LAMP3: variants seen among roughly 807,000 people sequenced by gnomAD.
LAMP3 encodes the protein lysosome-associated membrane glycoprotein 3.
A neutral mutation model predicts 34.8 loss-of-function variants in LAMP3; 26 were observed. The observed-to-expected ratio is 0.75, with a 90% CI of 0.55 to 1.04. The LOEUF is 1.04. Ranked by LOEUF, LAMP3 falls within the 50% of genes least tolerant of loss-of-function variation. LAMP3 has a pLI of 0.00. For missense variants in LAMP3, 495 were observed against 524.0 expected, an observed-to-expected ratio of 0.94 and a Z score of 0.54; for synonymous variants, 180 against 201.9, an observed-to-expected ratio of 0.89 and a Z score of 0.92.
chr3:183,130,218 G>C (rs1379448772), intron 5 of LAMP3, among the ~76,000 whole-genome samples: 3 of 136,790 alleles, frequency 2.2e-5, no homozygotes, highest in Non-Finnish European at 4.6e-5. Context: ...GAGTACAGTG[G>C]TGCCATCTTG....
chr3:183,162,777 A>C, upstream of LAMP3: 1 of 918,108 alleles, frequency 1.1e-6, no homozygotes, highest in Non-Finnish European at 1.6e-6. Context: ...GCAGCCGAAA[A>C]GCCCGCCCAG....
At chr3:183,134,739 C>T (rs1251718543) in intron 5 of LAMP3, among the ~76,000 whole-genome samples, 1 of 152,234 alleles carries the variant, frequency 6.6e-6, no homozygotes, top group East Asian at 1.9e-4. Context: ...TTTTCTGCTA[C>T]ACACATCTGC....
chr3:183,152,232 C>T (rs1030031695), intron 3 of LAMP3, 143 bp downstream of exon 3: 3 of 902,092 alleles, frequency 3.3e-6, no homozygotes, highest in African/African-American at 3.4e-5. Context: ...GATGTTGACA[C>T]TTCCTCCTCT....
At chr3:183,160,301 T>C (rs1720940101) in intron 1 of LAMP3, among the ~76,000 whole-genome samples, 1 of 152,238 alleles carries the variant, frequency 6.6e-6, no homozygotes, top group Non-Finnish European at 1.5e-5. Context: ...TGATGATTTT[T>C]GCTCATTTCC....
chr3:183,140,205 G>A (rs181066679), intron 4 of LAMP3, among the ~76,000 whole-genome samples: 242 of 152,160 alleles, frequency 1.6e-3, no homozygotes, highest in Non-Finnish European at 3.0e-3. Flanking sequence ...TCAGGAGTTT[G>A]AGACCAGTCT....
intron 4 of LAMP3, among the ~76,000 whole-genome samples, chr3:183,136,868 C>A (rs1720113078): frequency 6.6e-6 from 1 of 152,020 alleles, no homozygotes; most frequent in South Asian, 2.1e-4. Context: ...TGAGGCCAGG[C>A]ATGGTGGCAC....
chr3:183,155,495 T>A (rs898295262), intron 1 of LAMP3, among the ~76,000 whole-genome samples: 9 of 152,234 alleles, frequency 5.9e-5, no homozygotes, highest in Admixed American at 3.3e-4. Flanking sequence ...TGGCAGCTCC[T>A]CAGAGCATCT....
intron 2 of LAMP3, among the ~76,000 whole-genome samples, chr3:183,153,333 C>G (rs199988007): frequency 6.6e-6 from 1 of 152,060 alleles, no homozygotes; most frequent in East Asian, 1.9e-4. Context: ...TTAAATCTCT[C>G]ATTTCACGGG....
intron 1 of LAMP3, among the ~76,000 whole-genome samples, chr3:183,157,556 G>A: frequency 6.6e-6 from 1 of 152,254 alleles, no homozygotes; most frequent in South Asian, 2.1e-4. Flanking sequence ...GTGGCTTCCA[G>A]GAATATCTCG....
chr3:183,154,271 T>C lies in LAMP3; in HGVS notation c.170A>G (p.Lys57Arg). 6.2e-7 allele frequency: 1 copy of C among 1,614,202 alleles called. No homozygotes were observed. Among genetic ancestry groups the C allele is most frequent in the Non-Finnish European group, 8.5e-7 (1 of 1,180,028 alleles). ...DIKKPVQQPAKQAPHQTLAAR... is the reference protein window; with the variant it reads ...DIKKPVQQPARQAPHQTLAAR... ...TGCTAAAGTTTGGTGAGGTGCTTGC[T>C]TAGCTGGTTGCTGGACAGGTTTTTT... The change falls in exon 2 of 6, where the codon AAG (lysine) becomes AGG (arginine). Residue 57 changes from lysine (K) to arginine (R), a missense_variant. Coordinates refer to ENST00000265598, the MANE Select transcript of LAMP3 (RefSeq NM_014398.4).
At chr3:183,151,925 G>T (rs149826151) in intron 3 of LAMP3, among the ~76,000 whole-genome samples, 248 of 152,296 alleles carry the variant, frequency 1.6e-3, no homozygotes, top group Non-Finnish European at 2.9e-3. Context: ...CCAGGGTATG[G>T]TCTGGGAAAC....
In LAMP3 at chr3:183,154,384, C is replaced by A. The variant is rs879239176; in HGVS notation, c.57G>T (p.Leu19Phe). 6.3e-7 allele frequency: 1 copy of A among 1,590,950 alleles called. No homozygotes were observed. Among genetic ancestry groups the A allele is most frequent in the South Asian group, 1.1e-5 (1 of 87,152 alleles). The change falls in exon 2 of 6, where the codon TTG becomes TTT. Residue 19 changes from leucine (L) to phenylalanine (F), a missense_variant. By Grantham distance (22) the Leu-to-Phe change is conservative. Coordinates refer to ENST00000265598, the MANE Select transcript of LAMP3 (RefSeq NM_014398.4). ...AALFASLAVI[L>F]HDGSQMRAKA... is the part of the protein sequence containing the mutation. The stretch of plus-strand genomic sequence containing the variant: ...TTGCTCTCATTTGACTGCCATCGTG[C>A]AAAATTACTGAAAATTAGGAAATAA...
At chr3:183,155,268 A>G (rs964351031) in intron 1 of LAMP3, among the ~76,000 whole-genome samples, 6 of 152,142 alleles carry the variant, frequency 3.9e-5, no homozygotes, top group Non-Finnish European at 7.4e-5. Context: ...CGTTCATCCA[A>G]TCTAGACTTA....
At chr3:183,142,445 G>T (rs1480044536) in intron 3 of LAMP3, among the ~76,000 whole-genome samples, 1 of 151,980 alleles carries the variant, frequency 6.6e-6, no homozygotes, top group Non-Finnish European at 1.5e-5. Flanking sequence ...AGAATGCTTG[G>T]CATTTCTGTG....
In LAMP3 at chr3:183,152,414, C is replaced by A; in HGVS notation, c.849G>T (p.Leu283Phe). The stretch of plus-strand genomic sequence containing the variant: ...GATTCACAAATCCGCCCTGAAAATT[C>A]AACAGAAGGTTGGATTTTCGGGTGC... ...NCGTRKSNLL[L>F]NFQGGFVNLT... Residue 283 changes from leucine (L) to phenylalanine (F), a missense_variant, in exon 3 of 6, where the codon TTG (leucine) becomes TTT (phenylalanine). Transcript: ENST00000265598. 6.2e-7 allele frequency: 1 copy of A among 1,612,618 alleles called. No individual in the cohort carries two copies. The highest frequency in any genetic ancestry group is 8.5e-7 in the Non-Finnish European group (1 of 1,179,486).
In LAMP3 at chr3:183,154,274, G is replaced by C. The variant is rs34589722; in HGVS notation, c.167C>G (p.Ala56Gly). Reference protein sequence around the residue: ...QDIKKPVQQPAKQAPHQTLAA... With the variant: ...QDIKKPVQQPGKQAPHQTLAA... ...TAAAGTTTGGTGAGGTGCTTGCTTA[G>C]CTGGTTGCTGGACAGGTTTTTTTAT... Residue 56 changes from alanine (A) to glycine (G), a missense_variant, in exon 2 of 6, where the codon GCT (alanine) becomes GGT (glycine). Coordinates refer to ENST00000265598, the MANE Select transcript of LAMP3 (RefSeq NM_014398.4). 8.7e-6 allele frequency: 14 copies of C among 1,614,154 alleles called. No individual in the cohort carries two copies. The highest frequency in any genetic ancestry group is 1.2e-5 in the Non-Finnish European group (14 of 1,180,026).
At chr3:183,144,580 A>G (rs992546415) in intron 3 of LAMP3, among the ~76,000 whole-genome samples, 2 of 152,178 alleles carry the variant, frequency 1.3e-5, no homozygotes, top group Non-Finnish European at 2.9e-5. Flanking sequence ...CATGGAAAGT[A>G]CAGATCACTT....
chr3:183,127,188 G>C (rs1020941601), intron 5 of LAMP3, among the ~76,000 whole-genome samples: 4 of 152,060 alleles, frequency 2.6e-5, no homozygotes, highest in Non-Finnish European at 5.9e-5. Context: ...AGGCTGGGGG[G>C]CAGTGGTGCG....
chr3:183,147,273 T>C (rs1720476837), intron 3 of LAMP3, among the ~76,000 whole-genome samples: 1 of 151,816 alleles, frequency 6.6e-6, no homozygotes, highest in Admixed American at 6.6e-5. Flanking sequence ...ATTGAACAAC[T>C]GGCACAGAAG....
Sources: allele counts gnomAD v4.1 joint callset (sites outside exome capture counted in the v4.1 genomes callset), GRCh38; gene constraint gnomAD v4.1.1; transcripts MANE v1.5; gene names NCBI Gene and HGNC (gene_info 2026-07-23, HGNC 2026-07-21).